MCUB: variants seen among roughly 807,000 people sequenced by gnomAD.
MCUB encodes calcium uniporter regulatory subunit MCUb, mitochondrial.
MCUB carries 46 observed loss-of-function variants against 41.4 expected under a neutral mutation model. That is an observed-to-expected ratio of 1.11 (90% CI 0.88 to 1.42). The LOEUF (loss-of-function observed/expected upper bound fraction) is 1.42, where lower values mean the gene tolerates loss of function less well. Ranked by LOEUF, MCUB falls within the 40% of genes most tolerant of loss-of-function variation. The pLI is 0.00. For missense variants in MCUB, 403 were observed against 404.9 expected (o/e 1.00, Z 0.04); for synonymous variants, 148 against 148.2 (o/e 1.00, Z 0.01).
At chr4:109,561,636 A>G (rs1177285963) in intron 1 of MCUB, among the ~76,000 whole-genome samples, 3 of 152,256 alleles carry the variant, frequency 2.0e-5, no homozygotes, top group Non-Finnish European at 4.4e-5. Context: ...ATACTTTTAA[A>G]GGTTGTACTT....
intron 1 of MCUB, among the ~76,000 whole-genome samples, chr4:109,654,123 T>G (rs1400296757): frequency 2.0e-5 from 3 of 152,204 alleles, no homozygotes; most frequent in Admixed American, 6.5e-5. Context: ...TGTTGTTTTT[T>G]TTTTCTTAGC....
chr4:109,664,231 A>G, intron 3 of MCUB, 59 bp from the exon 4 acceptor site: 2 of 842,196 alleles, frequency 2.4e-6, no homozygotes, highest in East Asian at 2.4e-5. Context: ...TATGTGTTGG[A>G]AAATGGTTCT....
rs568531779 is a variant in MCUB at position 109,580,807 on chromosome 4, T to C, written c.99+20371T>C. Among the ~76,000 whole-genome samples the C allele has an allele frequency of 1.2e-4, 19 of 152,280 alleles. No individual in the cohort carries two copies. In the East Asian group the frequency reaches 3.7e-3, roughly 29 times the overall value. On this transcript the variant is annotated intron_variant, in intron 1 of 7. Coordinates refer to ENST00000394650, the MANE Select transcript of MCUB (RefSeq NM_017918.5). ...TGTCAGATGGGTACATTGTAAAAAT[T>C]TTCTCCCAGTCTGTAGGTTGTCTGT...
intron 3 of MCUB, 27 bp from the exon 4 acceptor site, chr4:109,664,263 T>C (rs1156831552): frequency 9.4e-7 from 1 of 1,060,322 alleles, no homozygotes. Flanking sequence ...AACAAAGACA[T>C]GCTCATGCAT....
At chr4:109,643,086 C>G (rs1211051384) in intron 1 of MCUB, among the ~76,000 whole-genome samples, 3 of 151,858 alleles carry the variant, frequency 2.0e-5, no homozygotes, top group African/African-American at 7.3e-5. Flanking sequence ...AGCCACCGCA[C>G]CCGGCCACTC....
chr4:109,645,198 G>A (rs376844023), intron 1 of MCUB, among the ~76,000 whole-genome samples: 61 of 152,158 alleles, frequency 4.0e-4, no homozygotes, highest in African/African-American at 1.4e-3. Flanking sequence ...AGAACTAGAA[G>A]GCTAAAAGTT....
chr4:109,648,201 T>C (rs938022802), intron 1 of MCUB, among the ~76,000 whole-genome samples: 1 of 144,508 alleles, frequency 6.9e-6, no homozygotes, highest in Non-Finnish European at 1.5e-5. Flanking sequence ...TCAAAACCAA[T>C]GTCCTGTCGA....
At chr4:109,629,004 A>G (rs1453355918) in intron 1 of MCUB, among the ~76,000 whole-genome samples, 2 of 152,180 alleles carry the variant, frequency 1.3e-5, no homozygotes, top group Non-Finnish European at 2.9e-5. Context: ...GCAGTTTAGG[A>G]CTTGGTGCTA....
chr4:109,651,583 C>T (rs532492707), intron 1 of MCUB, among the ~76,000 whole-genome samples: 6 of 152,222 alleles, frequency 3.9e-5, no homozygotes, highest in South Asian at 4.2e-4. Context: ...TACATACACA[C>T]GTACATTAAA....
At chr4:109,605,256 G>T (rs1230041298) in intron 1 of MCUB, among the ~76,000 whole-genome samples, 1 of 152,084 alleles carries the variant, frequency 6.6e-6, no homozygotes, top group African/African-American at 2.4e-5. Flanking sequence ...TTGGTAGGTT[G>T]TATGTGTCCT....
intron 1 of MCUB, 92 bp downstream of exon 1, chr4:109,560,528 G>C (rs1348680571): frequency 1.6e-6 from 1 of 613,686 alleles, no homozygotes. Flanking sequence ...CCGAGCGGCC[G>C]AGCAGTCAAC....
At chr4:109,626,650 T>A (rs1010802611) in intron 1 of MCUB, among the ~76,000 whole-genome samples, 40 of 152,020 alleles carry the variant, frequency 2.6e-4, no homozygotes, top group African/African-American at 9.4e-4. Flanking sequence ...CTGTTTCTAC[T>A]TAAAACACAA....
At chr4:109,612,472 G>A (rs1373659855) in intron 1 of MCUB, among the ~76,000 whole-genome samples, 1 of 151,836 alleles carries the variant, frequency 6.6e-6, no homozygotes, top group African/African-American at 2.4e-5. Flanking sequence ...CACCATGTTG[G>A]CCAGGCTGGT....
chr4:109,626,706 G>A (rs1408625383), intron 1 of MCUB, among the ~76,000 whole-genome samples: 1 of 150,070 alleles, frequency 6.7e-6, no homozygotes, highest in Non-Finnish European at 1.5e-5. Flanking sequence ...CTACCTATTC[G>A]GGAGGCTGAG....
intron 1 of MCUB, among the ~76,000 whole-genome samples, chr4:109,640,281 T>C (rs1473507812): frequency 6.6e-6 from 1 of 152,238 alleles, no homozygotes; most frequent in Non-Finnish European, 1.5e-5. Context: ...AATGTCATCT[T>C]TTGTGGTTCT....
intron 4 of MCUB, among the ~76,000 whole-genome samples, chr4:109,674,734 GT>G (rs1172903863): frequency 1.3e-5 from 2 of 152,182 alleles, no homozygotes; most frequent in African/African-American, 4.8e-5. Flanking sequence ...TTCTAGTTTA[GT>G]TTTTTGTAAT....
At chr4:109,652,276 G>T (rs1728978580) in intron 1 of MCUB, among the ~76,000 whole-genome samples, 1 of 152,098 alleles carries the variant, frequency 6.6e-6, no homozygotes, top group Non-Finnish European at 1.5e-5. Flanking sequence ...GTGGGGCACA[G>T]TTCAGCTCAT....
intron 1 of MCUB, among the ~76,000 whole-genome samples, chr4:109,570,618 A>T (rs1330513240): frequency 1.3e-5 from 2 of 152,240 alleles, no homozygotes; most frequent in Non-Finnish European, 2.9e-5. Flanking sequence ...CACAGACAAG[A>T]TTTGGCCCAT....
At chr4:109,670,313 G>GGTTGCTGAA (rs1015184709) in intron 4 of MCUB, among the ~76,000 whole-genome samples, 2 of 142,822 alleles carry the variant, frequency 1.4e-5, no homozygotes, top group African/African-American at 6.1e-5. Flanking sequence ...GATGGTTACA[G>GGTTGCTGAA]GTTGCTGAAG....
Sources: gnomAD v4.1 joint callset for allele counts (sites outside exome capture counted in the v4.1 genomes callset) on GRCh38, gnomAD v4.1.1 for gene constraint, MANE v1.5 for transcripts, NCBI Gene and HGNC (gene_info 2026-07-23, HGNC 2026-07-21) for gene names.